Variants in FARP1 observed in about 807,000 individuals in gnomAD.
FARP1 encodes FERM, ARH/RhoGEF and pleckstrin domain protein 1, also known as FERM, ARHGEF and pleckstrin domain-containing protein 1.
In FARP1, 52 loss-of-function variants were observed where a neutral mutation model predicts 128.8. The ratio of observed to expected loss-of-function variants is 0.40; its 90% confidence interval spans 0.32 to 0.51. FARP1 has a LOEUF of 0.51. Ranked by LOEUF, FARP1 falls within the 20% of genes least tolerant of loss-of-function variation. The pLI is 0.45. For missense variants in FARP1, 1,333 were observed against 1,367.9 expected (o/e 0.97, Z 0.40); for synonymous variants, 580 against 551.8 (o/e 1.05, Z -0.72).
intron 2 of FARP1, among the ~76,000 whole-genome samples, chr13:98,280,703 T>C: frequency 6.6e-6 from 1 of 152,230 alleles, no homozygotes; most frequent in Non-Finnish European, 1.5e-5. Context: ...TCCAGAAAAC[T>C]CAACTGCCTG....
chr13:98,285,752 A>C (rs1430537139), intron 2 of FARP1, among the ~76,000 whole-genome samples: 3 of 152,234 alleles, frequency 2.0e-5, no homozygotes, highest in African/African-American at 7.2e-5. Flanking sequence ...TTAAGAGTTG[A>C]AAATAAAATG....
intron 1 of FARP1, among the ~76,000 whole-genome samples, chr13:98,202,922 G>A (rs1426974678): frequency 6.6e-6 from 1 of 152,022 alleles, no homozygotes; most frequent in Non-Finnish European, 1.5e-5. Context: ...GTTTTGCTAT[G>A]TTGCCTAGAC....
At chr13:98,229,421 C>T (rs2139397117) in intron 2 of FARP1, among the ~76,000 whole-genome samples, 1 of 152,194 alleles carries the variant, frequency 6.6e-6, no homozygotes, top group Admixed American at 6.5e-5. Flanking sequence ...CAACATGAGG[C>T]CTCTGAGTAA....
intron 3 of FARP1, among the ~76,000 whole-genome samples, chr13:98,359,769 G>T (rs1888788468): frequency 6.6e-6 from 1 of 152,212 alleles, no homozygotes; most frequent in African/African-American, 2.4e-5. Flanking sequence ...GGCCTTGGTG[G>T]GTGGTAGGCT....
chr13:98,150,826 A>G (rs1372612289), intron 1 of FARP1, among the ~76,000 whole-genome samples: 1 of 152,190 alleles, frequency 6.6e-6, no homozygotes, highest in South Asian at 2.1e-4. Context: ...TAAGATTATG[A>G]TCAAATAAAT....
At position 98,451,563 on chromosome 13, in the gene FARP1, T is replaced by C. The variant is rs1405411127; in HGVS notation, c.*3246T>C. On this transcript the variant is annotated 3_prime_UTR_variant, in exon 27 of 27. Coordinates refer to ENST00000319562, the MANE Select transcript of FARP1 (RefSeq NM_005766.4). The stretch of plus-strand genomic sequence containing the variant: ...CGACACAATAACCCACTCAAGCATC[T>C]GTAGCTCAGGGCTCTGTCCCCTCCC... The C allele has an allele frequency of 6.6e-6, 1 of 152,136 alleles. No individual in the cohort carries two copies. Among genetic ancestry groups the C allele is most frequent in the Non-Finnish European group, 1.5e-5 (1 of 68,034 alleles). The allele number at this position is 152,136 out of a possible 1,614,324, so 9.4% of individuals were successfully genotyped here.
intron 2 of FARP1, among the ~76,000 whole-genome samples, chr13:98,264,158 C>A (rs1322010484): frequency 1.3e-5 from 2 of 152,212 alleles, no homozygotes; most frequent in Non-Finnish European, 2.9e-5. Flanking sequence ...CTATCTACCT[C>A]ATTTCCCACA....
intron 2 of FARP1, among the ~76,000 whole-genome samples, chr13:98,236,234 T>G (rs1377930283): frequency 6.6e-6 from 1 of 152,218 alleles, no homozygotes; most frequent in Non-Finnish European, 1.5e-5. Context: ...AAACCTTGAT[T>G]TGTAGCCGGG....
In FARP1 at chr13:98,410,500, C is replaced by G. The variant is rs1891150508; in HGVS notation, c.1603-234C>G. 2.0e-5 allele frequency among the ~76,000 whole-genome samples: 3 copies of G among 152,188 alleles called. No individual in the cohort carries two copies. In the South Asian group the frequency reaches 6.2e-4, roughly 32 times the overall value. ...CATCATGGAAATCCATTATCTTAGC[C>G]TAGCTCCTCACATGAAACGGAGAGT... is the stretch of plus-strand genomic sequence containing the variant. On this transcript the variant is annotated intron_variant, in intron 14 of 26. Coordinates refer to ENST00000319562, the MANE Select transcript of FARP1 (RefSeq NM_005766.4).
intron 2 of FARP1, among the ~76,000 whole-genome samples, chr13:98,224,063 A>G (rs1881593363): frequency 6.6e-6 from 1 of 152,192 alleles, no homozygotes; most frequent in African/African-American, 2.4e-5. Flanking sequence ...CAGGTGCTCC[A>G]TTTCCTTTGA....
chr13:98,294,713 C>T (rs1343495146), intron 2 of FARP1, among the ~76,000 whole-genome samples: 1 of 152,002 alleles, frequency 6.6e-6, no homozygotes, highest in Non-Finnish European at 1.5e-5. Flanking sequence ...TTTTATTCTT[C>T]AAAAAATATG....
chr13:98,186,452 G>GGTAA, intron 1 of FARP1, among the ~76,000 whole-genome samples: 1 of 152,114 alleles, frequency 6.6e-6, no homozygotes, highest in East Asian at 1.9e-4. Flanking sequence ...CCCTGCCCCT[G>GGTAA]GTAACTCTTC....
intron 3 of FARP1, among the ~76,000 whole-genome samples, chr13:98,345,033 G>T (rs186398161): frequency 1.3e-5 from 2 of 152,194 alleles, no homozygotes; most frequent in East Asian, 1.9e-4. Flanking sequence ...AGTAGTTACG[G>T]TTTCCATTCA....
chr13:98,201,050 C>G (rs1415594990), intron 1 of FARP1, among the ~76,000 whole-genome samples: 3 of 152,154 alleles, frequency 2.0e-5, no homozygotes, highest in Non-Finnish European at 2.9e-5. Context: ...CAATTCTCTT[C>G]TAGCTCTTTT....
At chr13:98,357,702 CTAGGT>C (rs1265578206) in intron 3 of FARP1, among the ~76,000 whole-genome samples, 1 of 152,016 alleles carries the variant, frequency 6.6e-6, no homozygotes, top group African/African-American at 2.4e-5. Context: ...CGTGTGAGTT[CTAGGT>C]TAGTTTTTAC....
chr13:98,431,123 G>A lies in FARP1; in HGVS notation c.1986G>A (p.Glu662=), dbSNP rs775621884. Residue 662 remains glutamate, a synonymous_variant, in exon 18 of 27, where the codon GAG becomes GAA. Coordinates refer to ENST00000319562, the MANE Select transcript of FARP1 (RefSeq NM_005766.4). ...GAATCAAGAGCTCCCGGCGGCTGGA[G>A]AACTTCTGCAGAGACTTTGAGCTGC... is the stretch of plus-strand genomic sequence containing the variant. The part of the protein sequence containing the change: ...ENGIKSSRRL[E]NFCRDFELQK... 6.2e-7 allele frequency: 1 copy of A among 1,614,174 alleles called. No homozygotes were observed. Among genetic ancestry groups the A allele is most frequent in the Non-Finnish European group, 8.5e-7 (1 of 1,180,032 alleles).
chr13:98,257,951 ACAT>A (rs1255877593), intron 2 of FARP1, among the ~76,000 whole-genome samples: 2 of 152,146 alleles, frequency 1.3e-5, no homozygotes, highest in African/African-American at 4.8e-5. Flanking sequence ...ATCTATCAAA[ACAT>A]CATGTCGTAC....
chr13:98,360,090 CTTTTT>C (rs55859311), intron 3 of FARP1, among the ~76,000 whole-genome samples: 2 of 104,612 alleles, frequency 1.9e-5, no homozygotes, highest in African/African-American at 8.0e-5. Context: ...GATTGTGTTG[CTTTTT>C]TTTTTTTTTT....
At chr13:98,206,110 C>T (rs1880245091) in intron 1 of FARP1, among the ~76,000 whole-genome samples, 1 of 151,698 alleles carries the variant, frequency 6.6e-6, no homozygotes, top group Admixed American at 6.6e-5. Flanking sequence ...TAGCTCTTTG[C>T]AGGAGCCTCA....
Sources: gnomAD v4.1 joint callset for allele counts (sites outside exome capture counted in the v4.1 genomes callset) on GRCh38, gnomAD v4.1.1 for gene constraint, MANE v1.5 for transcripts, NCBI Gene and HGNC (gene_info 2026-07-23, HGNC 2026-07-21) for gene names.